TSN: variants seen among roughly 807,000 people sequenced by gnomAD.
TSN encodes component 3 of promoter of RISC.
A neutral mutation model predicts 29.4 loss-of-function variants in TSN; 5 were observed. The observed-to-expected ratio is 0.17, with a 90% confidence interval of 0.09 to 0.36. The LOEUF (loss-of-function observed/expected upper bound fraction) is 0.36, where lower values mean the gene tolerates loss of function less well. Ranked by LOEUF, TSN falls within the 10% of genes least tolerant of loss-of-function variation. The pLI is 1.00. For missense variants in TSN, 159 were observed against 272.8 expected, an observed-to-expected ratio of 0.58 and a Z score of 2.94; for synonymous variants, 106 against 102.2, an observed-to-expected ratio of 1.04 and a Z score of -0.23.
In TSN at chr2:121,761,260, T is replaced by A. The variant is rs370589113; in HGVS notation, c.258-149T>A. 688 of 604,496 alleles carry A rather than the reference T, an allele frequency of 1.1e-3. 15 individuals carry two copies. In the South Asian group the frequency reaches 0.014, roughly 12 times the overall value. The allele number at this position is 604,496 out of a possible 1,614,324, so 37.4% of individuals were successfully genotyped here. ...TCGAACTTGTAAAATTAATGCTAAA[T>A]GTCATATTTCTCTTTATATATTGGG... On this transcript the variant is annotated intron_variant, in intron 3 of 5. Coordinates refer to ENST00000389682, the MANE Select transcript of TSN (RefSeq NM_004622.3).
chr2:121,755,882 C>T (rs1465257620), intron 1 of TSN, 37 bp downstream of exon 1: 3 of 1,613,330 alleles, frequency 1.9e-6, no homozygotes, highest in Admixed American at 3.3e-5. Flanking sequence ...TTTGCCTTTC[C>T]ATGCCTAGTT....
rs777009786 is a variant in TSN at position 121,766,689 on chromosome 2, C to T, written c.*1322C>T. 12 of 152,070 alleles carry T rather than the reference C, an allele frequency of 7.9e-5. No homozygotes were observed. The highest frequency in any genetic ancestry group is 1.9e-4 in the East Asian group (1 of 5,204). 9.4% of individuals were successfully genotyped at this position (152,070 alleles called of 1,614,324 possible). The stretch of plus-strand genomic sequence containing the variant: ...AGATGATTAAAATGGTGACTTAATC[C>T]GTAGTTATTTTGCACCCACTGAAAG... On this transcript the variant is annotated 3_prime_UTR_variant, in exon 6 of 6. Transcript: ENST00000389682.
intron 3 of TSN, among the ~76,000 whole-genome samples, chr2:121,759,908 A>G (rs2074800398): frequency 6.6e-6 from 1 of 152,202 alleles, no homozygotes; most frequent in Non-Finnish European, 1.5e-5. Context: ...AAAAAAGAAA[A>G]TCCCAGATAA....
chr2:121,763,622 G>A (rs75179870), intron 5 of TSN, among the ~76,000 whole-genome samples: 2 of 152,306 alleles, frequency 1.3e-5, no homozygotes, highest in East Asian at 3.9e-4. Flanking sequence ...ATTTTTAACC[G>A]ATGATAAGAC....
Position 121,755,654 on chromosome 2 carries a change from C to A in TSN, c.-126C>A, listed in dbSNP as rs1416164686. 4.6e-6 allele frequency: 6 copies of A among 1,310,874 alleles called. No homozygotes were observed. Among genetic ancestry groups the A allele is most frequent in the South Asian group, 1.2e-5 (1 of 81,158 alleles). The allele number at this position is 1,310,874 out of a possible 1,614,324, so 81.2% of individuals were successfully genotyped here. A position where few individuals can be genotyped will look rare whatever the true frequency, so the allele number is the denominator to read the frequency against. ...AGCCTCGGAGGACCCTAGCGACGGT[C>A]GTGGCGTAAGACCGGGGGGACGCGG... On this transcript the variant is annotated 5_prime_UTR_variant, in exon 1 of 6. Coordinates refer to ENST00000389682, the MANE Select transcript of TSN (RefSeq NM_004622.3).
chr2:121,760,789 G>A (rs2074815002), intron 3 of TSN, among the ~76,000 whole-genome samples: 1 of 151,600 alleles, frequency 6.6e-6, no homozygotes, highest in African/African-American at 2.4e-5. Context: ...TTTTTTCAGA[G>A]CAGTATCACT....
chr2:121,757,597 A>G (rs769204299), intron 2 of TSN: 3 of 523,542 alleles, frequency 5.7e-6, no homozygotes, highest in Non-Finnish European at 9.8e-6. Flanking sequence ...AAAAAAGTGC[A>G]GCTCTCTGCC....
At chr2:121,764,998 G>T (rs1395144447) in intron 5 of TSN, 136 bp from the exon 6 acceptor site, 5 of 764,098 alleles carry the variant, frequency 6.5e-6, no homozygotes, top group Non-Finnish European at 1.1e-5. Flanking sequence ...TGTCTTGTCT[G>T]TACTTGTGTG....
chr2:121,763,134 TC>T, intron 5 of TSN, 50 bp downstream of exon 5: 9 of 1,022,538 alleles, frequency 8.8e-6, no homozygotes, highest in South Asian at 1.7e-5. Context: ...TGCTTCACTG[TC>T]AGTTTTTTTT....
intron 1 of TSN, 132 bp from the exon 2 acceptor site, chr2:121,757,108 A>C (rs2074761587): frequency 2.5e-6 from 2 of 800,686 alleles, no homozygotes; most frequent in Non-Finnish European, 3.9e-6. Flanking sequence ...GAAGTCTTAC[A>C]GAGGAAATAA....
At position 121,767,067 on chromosome 2, in the gene TSN, A is replaced by AATAGTTT. The variant is rs1237179106; in HGVS notation, c.*1701_*1707dup. On this transcript the variant is annotated 3_prime_UTR_variant, in exon 6 of 6. Coordinates refer to ENST00000389682, the MANE Select transcript of TSN (RefSeq NM_004622.3). Reference sequence around the variant, plus strand: ...TCATCCCACAGACAATACGTTTGATAATAGTTTTTTCTTTTAACCTCTTTA... The same window carrying AATAGTTT: ...TCATCCCACAGACAATACGTTTGATAATAGTTTATAGTTTTTTCTTTTAACCTCTTTA... 6.6e-6 allele frequency: 1 copy of AATAGTTT among 152,190 alleles called. No homozygotes were observed. Among genetic ancestry groups the AATAGTTT allele is most frequent in the Non-Finnish European group, 1.5e-5 (1 of 68,040 alleles). The allele number at this position is 152,190 out of a possible 1,614,324, so 9.4% of individuals were successfully genotyped here.
rs1160777152 is a variant in TSN, at chr2:121,756,093, C to T, written c.66+248C>T. ...CGTTTGTGTCAGTTTTCCTTCTTTT[C>T]AGCACTTGTTTATATCGAAGGCTCG... On this transcript the variant is annotated intron_variant, in intron 1 of 5. Coordinates refer to ENST00000389682, the MANE Select transcript of TSN (RefSeq NM_004622.3). 8 of 741,316 alleles carry T rather than the reference C, an allele frequency of 1.1e-5. No homozygotes were observed. The East Asian group carries it at 1.8e-4, about 16-fold the overall frequency. The allele number at this position is 741,316 out of a possible 1,614,324, so 45.9% of individuals were successfully genotyped here.
chr2:121,763,143 T>G (rs1274890777), intron 5 of TSN, 59 bp downstream of exon 5: 5 of 1,283,630 alleles, frequency 3.9e-6, no homozygotes, highest in East Asian at 5.1e-5. Context: ...GTCAGTTTTT[T>G]TTTTTTTTTT....
intron 5 of TSN, among the ~76,000 whole-genome samples, chr2:121,763,859 T>C (rs2074867934): frequency 6.6e-6 from 1 of 152,214 alleles, no homozygotes; most frequent in African/African-American, 2.4e-5. Flanking sequence ...GGTGAAAATA[T>C]TTACTATCTG....
intron 5 of TSN, among the ~76,000 whole-genome samples, chr2:121,763,884 A>T (rs865848974): frequency 1.2e-4 from 18 of 152,148 alleles, no homozygotes; most frequent in African/African-American, 4.1e-4. Flanking sequence ...GTTAAGAAAA[A>T]GTTTGCTTGT....
rs1250961060 is a variant in TSN at position 121,765,910 on chromosome 2, G to T, written c.*543G>T. The T allele has an allele frequency of 2.0e-5, 3 of 152,958 alleles. No individual in the cohort carries two copies. The highest frequency in any genetic ancestry group is 4.4e-5 in the Non-Finnish European group (3 of 68,622). 9.5% of individuals were successfully genotyped at this position (152,958 alleles called of 1,614,324 possible). ...TTCTTTTGCCAAGGGAATTATAGCT[G>T]CAGGTTCTCTCTCACTGCCATCAAA... On this transcript the variant is annotated 3_prime_UTR_variant, in exon 6 of 6. Coordinates refer to ENST00000389682, the MANE Select transcript of TSN (RefSeq NM_004622.3).
chr2:121,755,928 C>A, intron 1 of TSN, 83 bp downstream of exon 1: 2 of 1,596,870 alleles, frequency 1.3e-6, no homozygotes, highest in Non-Finnish European at 1.7e-6. Context: ...GTCGCTCAGT[C>A]TCGGGCGGTG....
rs1271665742 is a variant in TSN at position 121,756,591 on chromosome 2, A to G, written c.67-649A>G. The G allele has an allele frequency of 9.3e-6, 12 of 1,286,380 alleles. No homozygotes were observed. In the East Asian group the frequency reaches 2.9e-4, roughly 31 times the overall value. The allele number at this position is 1,286,380 out of a possible 1,614,324, so 79.7% of individuals were successfully genotyped here. A position where few individuals can be genotyped will look rare whatever the true frequency, so the allele number is the denominator to read the frequency against. ...TTTACACAGTGCCTCGCACATAAGT[A>G]TGCTCAGTGAATATTTTAAAAATGA... On this transcript the variant is annotated intron_variant, in intron 1 of 5. Coordinates refer to ENST00000389682, the MANE Select transcript of TSN (RefSeq NM_004622.3).
chr2:121,763,549 C>A (rs540521697), intron 5 of TSN, among the ~76,000 whole-genome samples: 1 of 152,126 alleles, frequency 6.6e-6, no homozygotes, highest in African/African-American at 2.4e-5. Flanking sequence ...GTATGTGTTA[C>A]AATTTACTAG....
Sources: allele counts gnomAD v4.1 joint callset (sites outside exome capture counted in the v4.1 genomes callset), GRCh38; gene constraint gnomAD v4.1.1; transcripts MANE v1.5; gene names NCBI Gene and HGNC (gene_info 2026-07-23, HGNC 2026-07-21).